The following RHOBTB1 variants were observed in gnomAD, a reference collection of about 807,000 sequenced individuals.
RHOBTB1 encodes the protein Rho related BTB domain containing 1.
Under a neutral mutation model 71.6 loss-of-function variants are expected in RHOBTB1, and 40 were observed. The ratio of observed to expected loss-of-function variants is 0.56; its 90% confidence interval spans 0.43 to 0.73. The LOEUF (loss-of-function observed/expected upper bound fraction) is 0.73, where lower values mean the gene tolerates loss of function less well. Ranked by LOEUF, RHOBTB1 falls within the 30% of genes least tolerant of loss-of-function variation. RHOBTB1 has a pLI of 0.00. For synonymous variants in RHOBTB1, 319 were observed against 334.9 expected (o/e 0.95, Z 0.52); for missense variants, 797 against 894.0 (o/e 0.89, Z 1.38).
rs753487210 is a variant in RHOBTB1, at chr10:60,892,957, G to T, written c.335C>A (p.Pro112His). The change falls in exon 5 of 11, where the codon CCC becomes CAC. Residue 112 changes from proline to histidine, a missense_variant. Physicochemically the swap from Pro to His is moderately conservative, Grantham distance 77. Coordinates refer to ENST00000337910, the MANE Select transcript of RHOBTB1 (RefSeq NM_014836.5). Reference protein sequence around the residue: ...VVVLCFSIANPNSLNHVKSMW... With the variant: ...VVVLCFSIANHNSLNHVKSMW... ...GCTTTTCACATGATTTAGGGAATTG[G>T]GATTAGCAATCGAAAAACAGAGGAC... 7.4e-6 allele frequency: 12 copies of T among 1,613,654 alleles called. No individual in the cohort carries two copies. Among genetic ancestry groups the T allele is most frequent in the Middle Eastern group, 3.3e-4 (2 of 6,080 alleles).
At chr10:60,941,658 T>C (rs979889792) in intron 2 of RHOBTB1, 146 bp downstream of exon 2, 3 of 152,222 alleles carry the variant, frequency 2.0e-5, no homozygotes, top group Non-Finnish European at 4.4e-5. Context: ...ATTGAACTTA[T>C]GACATTCATA....
intron 2 of RHOBTB1, among the ~76,000 whole-genome samples, chr10:60,923,934 T>C (rs1163947391): frequency 1.3e-5 from 2 of 152,204 alleles, no homozygotes; most frequent in Non-Finnish European, 2.9e-5. Context: ...GTCTTGGGTA[T>C]ATCTTTATCA....
intron 2 of RHOBTB1, among the ~76,000 whole-genome samples, chr10:60,959,943 G>A (rs2085722569): frequency 6.6e-6 from 1 of 152,072 alleles, no homozygotes; most frequent in Non-Finnish European, 1.5e-5. Flanking sequence ...ACACAATAAA[G>A]GCAGATGTAT....
intron 2 of RHOBTB1, among the ~76,000 whole-genome samples, chr10:60,931,651 C>T (rs1370469330): frequency 1.3e-5 from 2 of 151,952 alleles, no homozygotes; most frequent in Non-Finnish European, 2.9e-5. Flanking sequence ...ACTTATACAA[C>T]CCAATAATAA....
In RHOBTB1 at chr10:60,888,832, A is replaced by G. The variant is rs755207476; in HGVS notation, c.836T>C (p.Phe279Ser). The G allele has an allele frequency of 5.6e-6, 9 of 1,614,096 alleles. No individual in the cohort carries two copies. Among genetic ancestry groups the G allele is most frequent in the Non-Finnish European group, 5.9e-6 (7 of 1,180,040 alleles). The change falls in exon 6 of 11, where the codon TTT becomes TCT. Residue 279 changes from phenylalanine (F) to serine (S), a missense_variant. Physicochemically the swap from Phe to Ser is radical, Grantham distance 155. Coordinates refer to ENST00000337910, the MANE Select transcript of RHOBTB1 (RefSeq NM_014836.5). ...LFILQDQEHI[F>S]AHRIYLATSS... ...GGTAGCGAGGTAAATTCGATGTGCA[A>G]AGATGTGTTCCTGGTCCTGAAGGAT... is the stretch of plus-strand genomic sequence containing the variant.
chr10:60,884,219 G>A (rs994267166), intron 7 of RHOBTB1, among the ~76,000 whole-genome samples: 2 of 152,136 alleles, frequency 1.3e-5, no homozygotes, highest in African/African-American at 2.4e-5. Context: ...TCCCTACTTG[G>A]GGATGCAAAT....
intron 2 of RHOBTB1, among the ~76,000 whole-genome samples, chr10:60,970,012 A>G (rs2086099432): frequency 6.6e-6 from 1 of 152,044 alleles, no homozygotes; most frequent in South Asian, 2.1e-4. Flanking sequence ...TGATTGACAC[A>G]TAGAAGGCCA....
intron 4 of RHOBTB1, among the ~76,000 whole-genome samples, chr10:60,905,281 T>C (rs1313928664): frequency 2.6e-5 from 4 of 151,502 alleles, no homozygotes; most frequent in African/African-American, 9.7e-5. Context: ...AAACCCCAGC[T>C]CTACTAAAAA....
chr10:60,930,171 T>C (rs2084154939), intron 2 of RHOBTB1, among the ~76,000 whole-genome samples: 1 of 152,222 alleles, frequency 6.6e-6, no homozygotes, highest in African/African-American at 2.4e-5. Context: ...TTACCACATC[T>C]TTAAGAAAAA....
chr10:60,949,992 C>G (rs898412762), intron 2 of RHOBTB1, among the ~76,000 whole-genome samples: 1 of 152,144 alleles, frequency 6.6e-6, no homozygotes. Context: ...ATTAGGTTTT[C>G]TGTTGGGGTA....
intron 8 of RHOBTB1, among the ~76,000 whole-genome samples, chr10:60,875,672 T>C (rs1394207488): frequency 3.9e-5 from 6 of 152,218 alleles, no homozygotes; most frequent in Non-Finnish European, 8.8e-5. Flanking sequence ...TACGTCTGTC[T>C]CAACAGCTAC....
chr10:60,864,726 T>C (rs184960813), downstream of RHOBTB1, among the ~76,000 whole-genome samples: 52 of 152,314 alleles, frequency 3.4e-4, no homozygotes, highest in South Asian at 1.7e-3. Flanking sequence ...AGAGTCTCAC[T>C]CTGTTGCCCA....
Position 60,889,158 on chromosome 10 carries a change from G to A in RHOBTB1, c.510C>T (p.Pro170=). ...ARPIKRGDIL[P]PEKGREVAKE... is the part of the protein sequence containing the mutation. ...TTGCTACCTCTCGGCCTTTTTCTGG[G>A]GGCAAAATATCCCCTCTCTTTATGG... The change falls in exon 6 of 11, where the codon CCC becomes CCT. Residue 170 remains proline, a synonymous_variant. Coordinates refer to ENST00000337910, the MANE Select transcript of RHOBTB1 (RefSeq NM_014836.5). 2 of 1,612,122 alleles carry A rather than the reference G, an allele frequency of 1.2e-6. No individual in the cohort carries two copies. Among genetic ancestry groups the A allele is most frequent in the Non-Finnish European group, 1.7e-6 (2 of 1,179,068 alleles).
chr10:60,936,127 T>C (rs2084567254), intron 2 of RHOBTB1, among the ~76,000 whole-genome samples: 1 of 152,252 alleles, frequency 6.6e-6, no homozygotes, highest in East Asian at 1.9e-4. Flanking sequence ...AAGGAAGTGA[T>C]TCCCATCATG....
At chr10:60,949,664 CTTTTTTTTT>C (rs147906688) in intron 2 of RHOBTB1, among the ~76,000 whole-genome samples, 5 of 108,918 alleles carry the variant, frequency 4.6e-5, no homozygotes, top group Admixed American at 3.0e-4. Context: ...CCAGGTGAAG[CTTTTTTTTT>C]TTTTTTTTTT....
chr10:60,901,592 C>G (rs1225191764), intron 4 of RHOBTB1, among the ~76,000 whole-genome samples: 1 of 152,154 alleles, frequency 6.6e-6, no homozygotes, highest in Non-Finnish European at 1.5e-5. Context: ...CAGTCTCTTT[C>G]TTTTCACCAC....
intron 5 of RHOBTB1, among the ~76,000 whole-genome samples, chr10:60,891,896 G>T (rs991683280): frequency 2.0e-5 from 3 of 152,064 alleles, no homozygotes; most frequent in Admixed American, 6.5e-5. Context: ...AATCGTGGGG[G>T]CGGTTCCCCC....
At chr10:60,960,428 C>T (rs1174812573) in intron 2 of RHOBTB1, among the ~76,000 whole-genome samples, 2 of 152,152 alleles carry the variant, frequency 1.3e-5, no homozygotes, top group Non-Finnish European at 2.9e-5. Context: ...AAACTACTCA[C>T]ACAAACAAAA....
At chr10:60,872,620 G>C (rs2080852568) in intron 9 of RHOBTB1, among the ~76,000 whole-genome samples, 1 of 139,300 alleles carries the variant, frequency 7.2e-6, no homozygotes, top group South Asian at 2.6e-4. Context: ...GAAGGCACCA[G>C]CCCACAGCAG....
Sources: allele counts gnomAD v4.1 joint callset (sites outside exome capture counted in the v4.1 genomes callset), GRCh38; gene constraint gnomAD v4.1.1; transcripts MANE v1.5; gene names NCBI Gene and HGNC (gene_info 2026-07-23, HGNC 2026-07-21).